Variants in FOXD4L1 observed in about 807,000 individuals in gnomAD.
FOXD4L1 encodes the protein forkhead box protein D4-like 1.
In FOXD4L1, 10 loss-of-function variants were observed where a neutral mutation model predicts 24.8. That is an observed-to-expected ratio of 0.40 (90% confidence interval 0.25 to 0.68). The LOEUF is 0.68. Among genes scored for constraint, FOXD4L1 ranks in the 30% least tolerant of loss-of-function variants. FOXD4L1 has a pLI of 0.37. For missense variants in FOXD4L1, 364 were observed against 572.4 expected, an observed-to-expected ratio of 0.64 and a Z score of 3.72; for synonymous variants, 159 against 256.4, an observed-to-expected ratio of 0.62 and a Z score of 3.63.
exon 1 of FOXD4L1, chr2:113,500,171 G>A: frequency 6.5e-7 from 1 of 1,537,516 alleles, no homozygotes; most frequent in Non-Finnish European, 8.8e-7. Flanking sequence ...TTGGTCCTCA[G>A]CCTTGGGAGG....
At chr2:113,499,246 C>G (rs372207547) in exon 1 of FOXD4L1, 2 of 1,611,706 alleles carry the variant, frequency 1.2e-6, no homozygotes, top group South Asian at 2.2e-5. Flanking sequence ...GACTGAAGCA[C>G]CTGCTCCGCC....
At chr2:113,500,862 T>C in exon 1 of FOXD4L1, 1 of 429,278 alleles carries the variant, frequency 2.3e-6, no homozygotes, top group Non-Finnish European at 4.0e-6. Flanking sequence ...GTGGGGTATT[T>C]TGTTCTGGCA....
exon 1 of FOXD4L1, chr2:113,500,650 C>T (rs143668791): frequency 0.061 from 86,269 of 1,416,746 alleles, 17,029 homozygotes; most frequent in South Asian, 0.12. Context: ...CCATACTGGG[C>T]GTGTGCATCT....
Position 113,500,174 on chromosome 2 carries a change from T to C in FOXD4L1, c.918T>C (p.Pro306=). Residue 306 remains proline (P), a synonymous_variant, in exon 1 of 1, where the codon CCT becomes CCC. Transcript: ENST00000306507. ...TGCAGCCCTCACTTGGTCCTCAGCC[T>C]TGGGAGGAGGGCAAGGGTCTGGCGT... is the stretch of plus-strand genomic sequence containing the variant. 3.9e-6 allele frequency: 6 copies of C among 1,538,476 alleles called. 1 individual carries two copies. The highest frequency in any genetic ancestry group is 5.2e-6 in the Non-Finnish European group (6 of 1,142,874).
exon 1 of FOXD4L1, chr2:113,499,594 T>C: frequency 6.2e-7 from 1 of 1,611,230 alleles, no homozygotes; most frequent in East Asian, 2.2e-5. Flanking sequence ...TACTCGTACA[T>C]CGCGCTCATC....
chr2:113,499,982 G>A lies in FOXD4L1; in HGVS notation c.726G>A (p.Pro242=), dbSNP rs773853112. Residue 242 remains proline (P), a synonymous_variant, in exon 1 of 1, where the codon CCG becomes CCA. Coordinates refer to ENST00000306507, the Ensembl canonical transcript of FOXD4L1. ...CTCTGCTTGGGGCCCCTGCCCTGCCGCAGCCAGTCCCGGGGGCCTACCCCA... is the reference window on the plus strand; with the variant it reads ...CTCTGCTTGGGGCCCCTGCCCTGCCACAGCCAGTCCCGGGGGCCTACCCCA... The A allele has an allele frequency of 1.9e-5, 29 of 1,538,082 alleles. 5 individuals carry two copies. Among genetic ancestry groups the A allele is most frequent in the Non-Finnish European group, 2.1e-5 (24 of 1,141,542 alleles).
exon 1 of FOXD4L1, chr2:113,499,538 G>A (rs763289456): frequency 1.1e-5 from 18 of 1,605,996 alleles, no homozygotes; most frequent in East Asian, 2.3e-5. Context: ...CACCGCCAAG[G>A]TCTGCGGCGG....
exon 1 of FOXD4L1, chr2:113,499,182 A>G (rs2748031): frequency 0.23 from 362,130 of 1,570,976 alleles, 44,845 homozygotes; most frequent in East Asian, 0.51. Flanking sequence ...CATTCATCCC[A>G]GGCTTCCAGC....
rs1406371383 is a variant in FOXD4L1, at chr2:113,498,882, G to T, written c.-375G>T. ...GCCTACTTGTCTGGCTGCACCGGAT[G>T]AGTAGAGCATCTTCCTTGGTGGCAG... On this transcript the variant is annotated 5_prime_UTR_variant, in exon 1 of 1. It removes an upstream start codon present in the reference 5' UTR. Transcript: ENST00000306507. 3 of 432,036 alleles carry T rather than the reference G, an allele frequency of 6.9e-6. No individual in the cohort carries two copies. The Admixed American group carries it at 1.2e-4, about 17-fold the overall frequency. 26.8% of individuals were successfully genotyped at this position (432,036 alleles called of 1,614,324 possible). A position where few individuals can be genotyped will look rare whatever the true frequency, so the allele number is the denominator to read the frequency against.
exon 1 of FOXD4L1, chr2:113,500,058 C>T: frequency 1.3e-6 from 2 of 1,585,960 alleles, no homozygotes; most frequent in East Asian, 2.3e-5. Flanking sequence ...GCATCCTCCT[C>T]GCTACCTACT....
In FOXD4L1 at chr2:113,499,885, C is replaced by T. The variant is rs542081723; in HGVS notation, c.629C>T (p.Pro210Leu). 1.5e-5 allele frequency: 24 copies of T among 1,584,126 alleles called. 3 individuals carry two copies. The highest frequency in any genetic ancestry group is 2.3e-4 in the Middle Eastern group (1 of 4,418). The change falls in exon 1 of 1, where the codon CCG becomes CTG. Residue 210 changes from proline to leucine, a missense_variant. Coordinates refer to ENST00000306507, the Ensembl canonical transcript of FOXD4L1. ...CGTTTCAAGCGCCACCAACTGACCC[C>T]GGGAGCCCACCTGCCCCACCCCTTC...
In FOXD4L1 at chr2:113,498,922, G is replaced by T. The variant is rs1477106907; in HGVS notation, c.-335G>T. ...CTTGGTGGCAGGTGGGTGCGAGGAG[G>T]AGGGGGCTGGGCTTTTCTCCGGACG... On this transcript the variant is annotated 5_prime_UTR_variant, in exon 1 of 1. An upstream open reading frame in the 5' UTR gains an earlier in-frame stop. Transcript: ENST00000306507. 5.7e-6 allele frequency: 3 copies of T among 527,624 alleles called. No homozygotes were observed. Among genetic ancestry groups the T allele is most frequent in the South Asian group, 2.2e-5 (1 of 46,390 alleles). The allele number at this position is 527,624 out of a possible 1,614,324, so 32.7% of individuals were successfully genotyped here.
At chr2:113,499,110 A>C (rs2757968) in exon 1 of FOXD4L1, 205,847 of 1,310,304 alleles carry the variant, frequency 0.16, 21,177 homozygotes, top group East Asian at 0.49. Flanking sequence ...GTTGCAAAGG[A>C]GTAGAAACAA....
chr2:113,499,264 T>C, exon 1 of FOXD4L1: 10 of 1,609,732 alleles, frequency 6.2e-6, no homozygotes, highest in Non-Finnish European at 6.8e-6. Context: ...GCCATGAACC[T>C]GCCAAGAGCT....
At chr2:113,500,734 C>T in exon 1 of FOXD4L1, 1 of 950,652 alleles carries the variant, frequency 1.1e-6, no homozygotes, top group Non-Finnish European at 1.5e-6. Context: ...GGATTACGTT[C>T]CTCTAAAAAC....
exon 1 of FOXD4L1, chr2:113,500,386 G>A (rs186143764): frequency 1.3e-6 from 2 of 1,519,348 alleles, no homozygotes; most frequent in Non-Finnish European, 1.8e-6. Context: ...GGAGGACTGC[G>A]CCAACGGCTG....
chr2:113,499,301 C>A, exon 1 of FOXD4L1: 1 of 1,606,502 alleles, frequency 6.2e-7, no homozygotes, highest in Non-Finnish European at 8.5e-7. Context: ...CACCGCAGCG[C>A]AGCCTCCGGG....
rs1469726439 is a variant in FOXD4L1, at chr2:113,500,707, G to A, written c.*224G>A. ...ACGAACTTCTGTTCCCTGCAAAATG[G>A]TTAGAAAGAAACAGCTGGATTACGT... On this transcript the variant is annotated 3_prime_UTR_variant, in exon 1 of 1. Transcript: ENST00000306507. 25 of 1,198,188 alleles carry A rather than the reference G, an allele frequency of 2.1e-5. 3 individuals are homozygous for A. In the African/African-American group the frequency reaches 2.9e-4, roughly 14 times the overall value. 74.2% of individuals were successfully genotyped at this position (1,198,188 alleles called of 1,614,324 possible). A position where few individuals can be genotyped will look rare whatever the true frequency, so the allele number is the denominator to read the frequency against.
chr2:113,499,324 A>G, exon 1 of FOXD4L1: 2 of 1,610,424 alleles, frequency 1.2e-6, no homozygotes, highest in Non-Finnish European at 1.7e-6. Context: ...TCCGATGGGG[A>G]AGACGGTAAA....
Sources: gnomAD v4.1 joint callset for allele counts on GRCh38, gnomAD v4.1.1 for gene constraint, MANE v1.5 for transcripts, NCBI Gene and HGNC (gene_info 2026-07-23, HGNC 2026-07-21) for gene names.